Variants in LZTFL1 observed in about 807,000 individuals in gnomAD.
LZTFL1 encodes the protein leucine zipper transcription factor like 1.
A neutral mutation model predicts 45.9 loss-of-function variants in LZTFL1; 25 were observed. The ratio of observed to expected loss-of-function variants is 0.54; its 90% CI spans 0.40 to 0.76. The LOEUF (loss-of-function observed/expected upper bound fraction) is 0.76, where lower values mean the gene tolerates loss of function less well. LZTFL1 is among the 30% of genes least tolerant of loss of function. LZTFL1 has a pLI of 0.00. For synonymous variants in LZTFL1, 93 were observed against 117.4 expected (o/e 0.79, Z 1.35); for missense variants, 277 against 331.1 (o/e 0.84, Z 1.27).
intron 4 of LZTFL1, among the ~76,000 whole-genome samples, chr3:45,833,930 C>T (rs545045892): frequency 1.3e-5 from 2 of 152,294 alleles, no homozygotes; most frequent in East Asian, 1.9e-4. Context: ...GGATGTATAC[C>T]CAGGTGTGGC....
chr3:45,841,797 T>C, intron 1 of LZTFL1, 192 bp downstream of exon 1: 1 of 671,318 alleles, frequency 1.5e-6, no homozygotes, highest in Non-Finnish European at 2.5e-6. Context: ...CACCCAGGAT[T>C]ACCCCAGAAG....
Position 45,842,075 on chromosome 3 carries a change from G to T in LZTFL1, c.-84C>A. 1.3e-6 allele frequency: 2 copies of T among 1,587,606 alleles called. No homozygotes were observed. The highest frequency in any genetic ancestry group is 1.7e-4 in the Middle Eastern group (1 of 6,040). On this transcript the variant is annotated 5_prime_UTR_variant, in exon 1 of 10. Transcript: ENST00000296135. ...AGCCTGGGATCGCCGAGGGTAGTTG[G>T]ACCACAGAAAATGGGGAAGGAGGGT... is the stretch of plus-strand genomic sequence containing the variant.
intron 2 of LZTFL1, among the ~76,000 whole-genome samples, chr3:45,867,056 G>A (rs1253347167): frequency 6.8e-6 from 1 of 146,562 alleles, no homozygotes; most frequent in Non-Finnish European, 1.5e-5. Context: ...GCTGAGGCAG[G>A]AGAATCGCTT....
At chr3:45,866,972 A>G (rs375150820) in intron 2 of LZTFL1, among the ~76,000 whole-genome samples, 56 of 151,916 alleles carry the variant, frequency 3.7e-4, no homozygotes, top group African/African-American at 1.2e-3. Context: ...ACATAGTGAA[A>G]CCCCATCTTT....
intron 2 of LZTFL1, among the ~76,000 whole-genome samples, chr3:45,859,341 G>A (rs979356696): frequency 5.3e-5 from 8 of 152,054 alleles, no homozygotes; most frequent in East Asian, 1.9e-4. Context: ...TCCTCCTGCC[G>A]CACCCTCCCA....
chr3:45,913,210 A>G lies in LZTFL1; in HGVS notation c.-272-33T>C, dbSNP rs1428526419. The G allele has an allele frequency of 2.1e-6, 3 of 1,427,316 alleles. No individual in the cohort carries two copies. The African/African-American group carries it at 4.2e-5, about 20-fold the overall frequency. 88.4% of individuals were successfully genotyped at this position (1,427,316 alleles called of 1,614,324 possible). Reference sequence around the variant, plus strand: ...ATTATACAATTACACAAATTAAACAATGCTACTATTGTTACTATTAACAAA... The same window carrying G: ...ATTATACAATTACACAAATTAAACAGTGCTACTATTGTTACTATTAACAAA... On this transcript the variant is annotated intron_variant, in intron 1 of 4. Transcript: ENST00000472635.
At chr3:45,891,618 G>A (rs796297152) in intron 2 of LZTFL1, among the ~76,000 whole-genome samples, 1 of 152,096 alleles carries the variant, frequency 6.6e-6, no homozygotes, top group African/African-American at 2.4e-5. Flanking sequence ...AATTTAATCC[G>A]GATGCAGCAC....
At chr3:45,883,818 G>C (rs1701910502) in intron 2 of LZTFL1, 1 of 533,714 alleles carries the variant, frequency 1.9e-6, no homozygotes, top group East Asian at 3.3e-5. Context: ...TGAAGAGTGA[G>C]AGTTGCAGCC....
intron 2 of LZTFL1, among the ~76,000 whole-genome samples, chr3:45,881,399 C>T (rs991306194): frequency 6.6e-6 from 1 of 152,170 alleles, no homozygotes; most frequent in African/African-American, 2.4e-5. Flanking sequence ...TTCTCTTCCT[C>T]CTGCAACATC....
chr3:45,871,794 C>T (rs1701675145), intron 2 of LZTFL1, among the ~76,000 whole-genome samples: 1 of 152,148 alleles, frequency 6.6e-6, no homozygotes, highest in African/African-American at 2.4e-5. Flanking sequence ...TTCTACCAGG[C>T]GCTTTATAAC....
intron 2 of LZTFL1, among the ~76,000 whole-genome samples, chr3:45,904,398 A>G (rs1477965985): frequency 6.6e-6 from 1 of 152,198 alleles, no homozygotes; most frequent in Non-Finnish European, 1.5e-5. Context: ...GAAGGAACTG[A>G]CTAGACCAGG....
chr3:45,903,907 T>G (rs1033031019), intron 2 of LZTFL1, among the ~76,000 whole-genome samples: 1 of 152,228 alleles, frequency 6.6e-6, no homozygotes, highest in Non-Finnish European at 1.5e-5. Flanking sequence ...TTATAGGAAC[T>G]TGAGAGAATA....
upstream of LZTFL1, chr3:45,842,314 G>A: frequency 1.6e-6 from 1 of 642,202 alleles, no homozygotes. Flanking sequence ...CGGGAGGGTT[G>A]GGCTGCCTGG....
chr3:45,872,524 TG>T (rs1300741987), intron 2 of LZTFL1, among the ~76,000 whole-genome samples: 4 of 151,980 alleles, frequency 2.6e-5, no homozygotes, highest in African/African-American at 7.3e-5. Flanking sequence ...GAACAGGGGA[TG>T]GGTTGGTGAG....
At chr3:45,850,363 A>G (rs1701289110) in intron 4 of LZTFL1, among the ~76,000 whole-genome samples, 1 of 152,212 alleles carries the variant, frequency 6.6e-6, no homozygotes, top group African/African-American at 2.4e-5. Flanking sequence ...AGAGGCTACC[A>G]GCCAGATACA....
Position 45,909,369 on chromosome 3 carries a change from C to A in LZTFL1, c.-215+3751G>T, listed in dbSNP as rs9831791. Among the ~76,000 whole-genome samples the A allele has an allele frequency of 3.0e-3, 459 of 152,330 alleles. 3 individuals carry two copies. Among genetic ancestry groups the A allele is most frequent in the African/African-American group, 9.9e-3 (410 of 41,574 alleles). ...GGGGACCGCTGGTATAATGAAGATG[C>A]ACATACCCCTCACCCAACTTCAATA... On this transcript the variant is annotated intron_variant, in intron 2 of 4. Coordinates refer to the LZTFL1 transcript ENST00000472635.
intron 2 of LZTFL1, among the ~76,000 whole-genome samples, chr3:45,888,277 A>G (rs1289382468): frequency 2.0e-5 from 3 of 152,108 alleles, no homozygotes; most frequent in Non-Finnish European, 4.4e-5. Context: ...CCCTCGTTGC[A>G]TGTCTCCATG....
At position 45,842,041 on chromosome 3, in the gene LZTFL1, G is replaced by A. The variant is rs376649466; in HGVS notation, c.-50C>T. ...AAAGGAACGGGAGAGGCCAGGCGGT[G>A]CCCCGCCAAGCCTGGGATCGCCGAG... On this transcript the variant is annotated 5_prime_UTR_variant, in exon 1 of 10. Coordinates refer to ENST00000296135, the MANE Select transcript of LZTFL1 (RefSeq NM_020347.4). The A allele has an allele frequency of 1.9e-6, 3 of 1,598,316 alleles. No homozygotes were observed. The highest frequency in any genetic ancestry group is 1.3e-5 in the African/African-American group (1 of 74,630).
intron 7 of LZTFL1, among the ~76,000 whole-genome samples, chr3:45,829,501 G>A (rs1397403452): frequency 6.6e-6 from 1 of 151,766 alleles, no homozygotes; most frequent in Admixed American, 6.6e-5. Flanking sequence ...CCACTTGGGA[G>A]GCTGAGGTGG....
Sources: gnomAD v4.1 joint callset for allele counts (sites outside exome capture counted in the v4.1 genomes callset) on GRCh38, gnomAD v4.1.1 for gene constraint, MANE v1.5 for transcripts, NCBI Gene and HGNC (gene_info 2026-07-23, HGNC 2026-07-21) for gene names.